The following COL5A2 variants were observed in gnomAD, a reference collection of about 807,000 sequenced individuals.
COL5A2 encodes collagen type V alpha 2 chain.
Under a neutral mutation model 208.2 loss-of-function variants are expected in COL5A2, and 23 were observed. The ratio of observed to expected loss-of-function variants is 0.11; its 90% CI spans 0.08 to 0.16. COL5A2 has a LOEUF of 0.16. Among genes scored for constraint, COL5A2 ranks in the 10% least tolerant of loss-of-function variants. The pLI, the probability that COL5A2 is intolerant of heterozygous loss-of-function variation, is 1.00. For synonymous variants in COL5A2, 625 were observed against 628.5 expected, an observed-to-expected ratio of 0.99 and a Z score of 0.08; for missense variants, 1,590 against 1,956.4, an observed-to-expected ratio of 0.81 and a Z score of 3.53.
the COL5A2 span, among the ~76,000 whole-genome samples, chr2:189,244,247 C>T: frequency 1.5e-4 from 23 of 152,328 alleles, no homozygotes; most frequent in Admixed American, 3.3e-4. Flanking sequence ...TTTTCTATCA[C>T]GTTGTCAGGC....
Position 189,052,157 on chromosome 2 carries a change from A to C in COL5A2, c.2769+15T>G. 1 of 1,611,718 alleles carries C rather than the reference A, an allele frequency of 6.2e-7. No individual in the cohort carries two copies. Among genetic ancestry groups the C allele is most frequent in the Non-Finnish European group, 8.5e-7 (1 of 1,177,982 alleles). The stretch of plus-strand genomic sequence containing the variant: ...TATTTCATTATCAGTGACTTGTCTC[A>C]CTAAGTTGACTTACAGCAGGGCCTG... On this transcript the variant is annotated intron_variant, in intron 41 of 53. Transcript: ENST00000374866.
At chr2:189,056,705 A>G in intron 35 of COL5A2, 3 of 520,822 alleles carry the variant, frequency 5.8e-6, no homozygotes, top group Non-Finnish European at 1.0e-5. Flanking sequence ...TAAAAAGATG[A>G]TAGAGAAAGA....
chr2:189,053,368 CTTA>C (rs1373552406), intron 38 of COL5A2, 53 bp downstream of exon 38: 87 of 1,432,692 alleles, frequency 6.1e-5, no homozygotes. Flanking sequence ...GATCATTAAA[CTTA>C]TTATAACAAG....
chr2:189,392,571 C>A, the COL5A2 span, among the ~76,000 whole-genome samples: 1 of 152,076 alleles, frequency 6.6e-6, no homozygotes, highest in Non-Finnish European at 1.5e-5. Flanking sequence ...AGAAGCAAAT[C>A]ATCTTACTTT....
chr2:189,431,054 G>C, the COL5A2 span, among the ~76,000 whole-genome samples: 1 of 152,186 alleles, frequency 6.6e-6, no homozygotes, highest in Non-Finnish European at 1.5e-5. Flanking sequence ...CAGGCAAACA[G>C]GGTCTGGAGT....
chr2:189,249,280 T>A, the COL5A2 span, among the ~76,000 whole-genome samples: 5 of 152,202 alleles, frequency 3.3e-5, no homozygotes, highest in African/African-American at 1.2e-4. Context: ...TAGCAGTTTT[T>A]AAGCAATGAA....
intron 52 of COL5A2, among the ~76,000 whole-genome samples, 162 bp downstream of exon 52, chr2:189,036,454 G>A (rs1289379750): frequency 6.6e-6 from 1 of 151,952 alleles, no homozygotes; most frequent in East Asian, 1.9e-4. Context: ...CCTTGTTTAT[G>A]CAATGGTATT....
At chr2:189,345,356 AG>A in the COL5A2 span, among the ~76,000 whole-genome samples, 1 of 152,130 alleles carries the variant, frequency 6.6e-6, no homozygotes, top group African/African-American at 2.4e-5. Flanking sequence ...AGTTCATGGA[AG>A]TGGTCTAGGC....
intron 1 of COL5A2, among the ~76,000 whole-genome samples, chr2:189,124,824 T>C (rs1687577530): frequency 6.6e-6 from 1 of 151,968 alleles, no homozygotes; most frequent in Non-Finnish European, 1.5e-5. Flanking sequence ...TTTTCCTGTT[T>C]AGTAACGGTC....
chr2:189,241,452 C>T, the COL5A2 span, among the ~76,000 whole-genome samples: 1 of 152,160 alleles, frequency 6.6e-6, no homozygotes, highest in Non-Finnish European at 1.5e-5. Context: ...TACACACAAG[C>T]ATTTGAATGG....
At chr2:189,275,647 T>G in the COL5A2 span, among the ~76,000 whole-genome samples, 1 of 151,994 alleles carries the variant, frequency 6.6e-6, no homozygotes, top group Non-Finnish European at 1.5e-5. Context: ...GAGACGGGCT[T>G]TCACCATATT....
At chr2:189,255,649 A>G in the COL5A2 span, among the ~76,000 whole-genome samples, 1 of 152,328 alleles carries the variant, frequency 6.6e-6, no homozygotes, top group Admixed American at 6.5e-5. Flanking sequence ...ACTTTACTAT[A>G]GGTTGGTTCC....
chr2:189,245,797 T>C, the COL5A2 span, among the ~76,000 whole-genome samples: 3 of 152,210 alleles, frequency 2.0e-5, no homozygotes, highest in Non-Finnish European at 4.4e-5. Context: ...TTAAAATCCA[T>C]TTAGCTAAGA....
the COL5A2 span, among the ~76,000 whole-genome samples, chr2:189,274,792 T>C: frequency 6.6e-6 from 1 of 152,288 alleles, no homozygotes; most frequent in South Asian, 2.1e-4. Context: ...ATCTTTATAC[T>C]TTTGTTTTCT....
At chr2:189,337,326 G>A in the COL5A2 span, among the ~76,000 whole-genome samples, 15 of 150,276 alleles carry the variant, frequency 1.0e-4, no homozygotes, top group Admixed American at 3.3e-4. Context: ...GGGACTACAG[G>A]CGCCCGCCAC....
chr2:189,056,563 A>G (rs1185889607), intron 35 of COL5A2, among the ~76,000 whole-genome samples: 1 of 152,054 alleles, frequency 6.6e-6, no homozygotes, highest in Non-Finnish European at 1.5e-5. Context: ...TCTCACCCCA[A>G]CATCCAATAT....
intron 12 of COL5A2, among the ~76,000 whole-genome samples, chr2:189,083,036 C>G (rs2105642723): frequency 6.6e-6 from 1 of 152,188 alleles, no homozygotes; most frequent in Non-Finnish European, 1.5e-5. Context: ...AGCATTGAAC[C>G]TCATCAATTT....
rs200711235 is a variant in COL5A2 at position 189,088,713 on chromosome 2, T to C, written c.627A>G (p.Gly209=). The change falls in exon 8 of 54, where the codon GGA becomes GGG. Residue 209 remains glycine (G), a synonymous_variant. Coordinates refer to ENST00000374866, the MANE Select transcript of COL5A2 (RefSeq NM_000393.5). ...TGCTTACCACAGAGCCAGGCATTAGTCCTACTTGACTCCCAAGTCCAGATT... is the reference window on the plus strand; with the variant it reads ...TGCTTACCACAGAGCCAGGCATTAGCCCTACTTGACTCCCAAGTCCAGATT... ...DEKSGLGSQV[G]LMPGSVGPVG... The C allele has an allele frequency of 6.2e-7, 1 of 1,613,944 alleles. No individual in the cohort carries two copies. The highest frequency in any genetic ancestry group is 2.2e-5 in the East Asian group (1 of 44,850).
At chr2:189,359,364 G>A in the COL5A2 span, among the ~76,000 whole-genome samples, 17 of 152,062 alleles carry the variant, frequency 1.1e-4, no homozygotes, top group Admixed American at 3.3e-4. Context: ...CGTTAGTATG[G>A]TGTATCACAT....
Sources: allele counts gnomAD v4.1 joint callset (sites outside exome capture counted in the v4.1 genomes callset), GRCh38; gene constraint gnomAD v4.1.1; transcripts MANE v1.5; gene names NCBI Gene and HGNC (gene_info 2026-07-23, HGNC 2026-07-21).